The following SFMBT1 variants were observed in gnomAD, a reference collection of about 807,000 sequenced individuals.
The protein encoded by SFMBT1 is Scm like with four mbt domains 1.
Under a neutral mutation model 108.7 loss-of-function variants are expected in SFMBT1, and 32 were observed. The ratio of observed to expected loss-of-function variants is 0.29; its 90% CI spans 0.22 to 0.40. The LOEUF is 0.40. SFMBT1 is among the 10% of genes least tolerant of loss of function. SFMBT1 has a pLI of 1.00. For missense variants in SFMBT1, 816 were observed against 1,059.6 expected, an observed-to-expected ratio of 0.77 and a Z score of 3.19; for synonymous variants, 348 against 369.5, an observed-to-expected ratio of 0.94 and a Z score of 0.67.
At chr3:53,027,678 C>A (rs555298830) in intron 1 of SFMBT1, among the ~76,000 whole-genome samples, 1 of 152,354 alleles carries the variant, frequency 6.6e-6, no homozygotes, top group East Asian at 1.9e-4. Context: ...GCCAATCAGG[C>A]TGCAGCTGCC....
chr3:53,038,601 G>A (rs1699938983), intron 1 of SFMBT1, among the ~76,000 whole-genome samples: 1 of 152,174 alleles, frequency 6.6e-6, no homozygotes, highest in Non-Finnish European at 1.5e-5. Context: ...CATTCTGAAA[G>A]TACATACCTG....
intron 2 of SFMBT1, among the ~76,000 whole-genome samples, chr3:52,961,878 A>G (rs912576898): frequency 2.6e-5 from 4 of 152,222 alleles, no homozygotes; most frequent in Admixed American, 1.3e-4. Context: ...TAATTTAAAA[A>G]TAAAAAATAA....
chr3:52,919,459 G>C (rs374560550), intron 12 of SFMBT1, among the ~76,000 whole-genome samples: 6 of 152,306 alleles, frequency 3.9e-5, no homozygotes, highest in South Asian at 4.1e-4. Flanking sequence ...GAAATGTCTA[G>C]AACAGGCAAA....
intron 1 of SFMBT1, among the ~76,000 whole-genome samples, chr3:52,998,345 T>C (rs1466974301): frequency 6.7e-6 from 1 of 149,894 alleles, no homozygotes; most frequent in East Asian, 1.9e-4. Context: ...TGAGCCGAGA[T>C]CGCGCCACTG....
chr3:52,928,671 TACAC>T (rs1301624750), intron 8 of SFMBT1, among the ~76,000 whole-genome samples: 1 of 138,374 alleles, frequency 7.2e-6, no homozygotes, highest in African/African-American at 2.6e-5. Flanking sequence ...TATACATATA[TACAC>T]ACACACACAT....
At chr3:52,952,896 A>G (rs1703642365) in intron 3 of SFMBT1, among the ~76,000 whole-genome samples, 1 of 152,216 alleles carries the variant, frequency 6.6e-6, no homozygotes. Flanking sequence ...TCCTTTAAGA[A>G]GAGACACCAC....
intron 1 of SFMBT1, among the ~76,000 whole-genome samples, chr3:53,039,909 C>T (rs1699982128): frequency 6.6e-6 from 1 of 152,074 alleles, no homozygotes; most frequent in South Asian, 2.1e-4. Context: ...AATTTATATC[C>T]TCATTATATA....
intron 1 of SFMBT1, among the ~76,000 whole-genome samples, chr3:53,021,405 G>C (rs1344120502): frequency 2.6e-5 from 4 of 152,124 alleles, no homozygotes; most frequent in Admixed American, 2.6e-4. Context: ...GTGTAAACTG[G>C]GGATGTATTA....
rs375374143 is a variant in SFMBT1 at position 52,918,461 on chromosome 3, G to A, written c.1415+23C>T. Reference sequence around the variant, plus strand: ...TTCTAGATATTCTAACTTGTAAACTGTTCATATTATTACGTTACTTACTGT... The same window carrying A: ...TTCTAGATATTCTAACTTGTAAACTATTCATATTATTACGTTACTTACTGT... On this transcript the variant is annotated intron_variant, in intron 13 of 20. Coordinates refer to ENST00000394752, the MANE Select transcript of SFMBT1 (RefSeq NM_016329.4). 39 of 1,548,472 alleles carry A rather than the reference G, an allele frequency of 2.5e-5. No individual in the cohort carries two copies. In the African/African-American group the frequency reaches 5.0e-4, roughly 20 times the overall value.
chr3:52,927,542 C>T (rs1215097716), intron 9 of SFMBT1, among the ~76,000 whole-genome samples: 3 of 152,246 alleles, frequency 2.0e-5, no homozygotes, highest in South Asian at 2.1e-4. Context: ...ATCAGATAAA[C>T]ATCTGACATA....
intron 1 of SFMBT1, among the ~76,000 whole-genome samples, chr3:53,019,779 C>CA (rs1699243285): frequency 6.6e-6 from 1 of 152,194 alleles, no homozygotes; most frequent in Non-Finnish European, 1.5e-5. Flanking sequence ...AGCATACAGG[C>CA]ATTTTTTAAA....
intron 1 of SFMBT1, among the ~76,000 whole-genome samples, chr3:53,029,870 T>G (rs141094454): frequency 2.6e-5 from 4 of 152,176 alleles, no homozygotes; most frequent in African/African-American, 9.6e-5. Flanking sequence ...CTTACTCCAC[T>G]GCACCCAGTT....
At chr3:53,024,076 G>A (rs1699403063) in intron 1 of SFMBT1, among the ~76,000 whole-genome samples, 2 of 152,116 alleles carry the variant, frequency 1.3e-5, no homozygotes, top group South Asian at 4.1e-4. Context: ...CAATACTCAG[G>A]ATAAATAAAT....
rs977604678 is a variant in SFMBT1 at position 52,995,748 on chromosome 3, T to C, written c.-130-26490A>G. ...CACCAGAAAAAGCACAAACAATAAA[T>C]TGGGACTGTATCAAAGTTTAAAACG... On this transcript the variant is annotated intron_variant, in intron 1 of 20. Transcript: ENST00000394752. Among the ~76,000 whole-genome samples the C allele has an allele frequency of 6.0e-5, 9 of 149,844 alleles. No homozygotes were observed. The East Asian group carries it at 9.8e-4, about 16-fold the overall frequency.
At chr3:52,942,841 GTCCTCTTA>G (rs1268916569) in intron 4 of SFMBT1, among the ~76,000 whole-genome samples, 1 of 152,150 alleles carries the variant, frequency 6.6e-6, no homozygotes, top group Non-Finnish European at 1.5e-5. Flanking sequence ...TAAATCCGGA[GTCCTCTTA>G]TCTTTCCCCA....
chr3:52,954,544 GGTTTT>G (rs747276052), intron 2 of SFMBT1, 133 bp from the exon 3 acceptor site: 46 of 707,484 alleles, frequency 6.5e-5, no homozygotes, highest in East Asian at 1.6e-4. Flanking sequence ...AATTAAGTGG[GGTTTT>G]GTTTTGTTTT....
chr3:53,001,388 G>A (rs2106912759), intron 1 of SFMBT1, among the ~76,000 whole-genome samples: 1 of 150,140 alleles, frequency 6.7e-6, no homozygotes, highest in African/African-American at 2.4e-5. Flanking sequence ...CCATGATCGT[G>A]TGTCACTTTA....
intron 13 of SFMBT1, among the ~76,000 whole-genome samples, 192 bp from the exon 14 acceptor site, chr3:52,916,406 T>A (rs1383208603): frequency 6.9e-6 from 1 of 145,236 alleles, no homozygotes; most frequent in Non-Finnish European, 1.5e-5. Flanking sequence ...ATGCGGTGGC[T>A]CACGCGTAAT....
At chr3:52,992,351 A>G (rs1401171767) in intron 1 of SFMBT1, among the ~76,000 whole-genome samples, 3 of 152,218 alleles carry the variant, frequency 2.0e-5, no homozygotes, top group Non-Finnish European at 4.4e-5. Context: ...GAGGATGGAC[A>G]CCTCTATTTT....
Sources: allele counts gnomAD v4.1 joint callset (sites outside exome capture counted in the v4.1 genomes callset), GRCh38; gene constraint gnomAD v4.1.1; transcripts MANE v1.5; gene names NCBI Gene and HGNC (gene_info 2026-07-23, HGNC 2026-07-21).